TRPM4: variants seen among roughly 807,000 people sequenced by gnomAD.
TRPM4 encodes transient receptor potential cation channel subfamily M member 4.
TRPM4 carries 124 observed loss-of-function variants against 135.6 expected under a neutral mutation model. The observed-to-expected ratio is 0.91, with a 90% CI of 0.79 to 1.06. The LOEUF (loss-of-function observed/expected upper bound fraction) is 1.06, where lower values mean the gene tolerates loss of function less well. TRPM4 is among the 50% of genes least tolerant of loss of function. The probability of loss-of-function intolerance (pLI) is 0.00; values close to 1 mark genes in which losing one functional copy is unlikely to be tolerated. For synonymous variants in TRPM4, 745 were observed against 705.6 expected, an observed-to-expected ratio of 1.06 and a Z score of -0.88; for missense variants, 1,658 against 1,671.4, an observed-to-expected ratio of 0.99 and a Z score of 0.14.
At chr19:49,193,952 C>T (rs1240205029) in intron 16 of TRPM4, among the ~76,000 whole-genome samples, 1 of 151,058 alleles carries the variant, frequency 6.6e-6, no homozygotes. Flanking sequence ...TCCTCCTTCT[C>T]CTCCTCTTCC....
chr19:49,199,731 C>CT (rs963443027), intron 17 of TRPM4, among the ~76,000 whole-genome samples: 9 of 151,298 alleles, frequency 5.9e-5, no homozygotes, highest in South Asian at 4.2e-4. Flanking sequence ...CTTTTCTTTT[C>CT]TTTTTTTTGA....
chr19:49,158,436 AT>A (rs915492785), intron 2 of TRPM4, 177 bp downstream of exon 2: 1 of 654,408 alleles, frequency 1.5e-6, no homozygotes, highest in African/African-American at 1.8e-5. Context: ...GACACCCCTC[AT>A]TCCCCATTCG....
chr19:49,197,652 TTTTGTTTG>T (rs138152671), intron 17 of TRPM4, among the ~76,000 whole-genome samples: 1 of 149,958 alleles, frequency 6.7e-6, no homozygotes, highest in Non-Finnish European at 1.5e-5. Context: ...GTGACTGGTT[TTTTGTTTG>T]TTTGTTTGTT....
At position 49,196,631 on chromosome 19, in the gene TRPM4, T is replaced by A; in HGVS notation, c.2402T>A (p.Leu801Gln). The part of the protein sequence containing the change: ...LLFLLLFSRV[L>Q]LVDFQPAPPG... ...TTCCTGCTGCTTTTCTCGCGGGTGC[T>A]GCTCGTGGATTTCCAGCCGGCGCCG... The change falls in exon 17 of 25, where the codon CTG (leucine) becomes CAG (glutamine). Residue 801 changes from leucine to glutamine, a missense_variant. Physicochemically the swap from Leu to Gln is moderately radical, Grantham distance 113 (BLOSUM62 -2). Coordinates refer to ENST00000252826, the MANE Select transcript of TRPM4 (RefSeq NM_017636.4). 6.4e-7 allele frequency: 1 copy of A among 1,551,532 alleles called. No individual in the cohort carries two copies. Among genetic ancestry groups the A allele is most frequent in the Non-Finnish European group, 8.7e-7 (1 of 1,151,296 alleles).
intron 17 of TRPM4, among the ~76,000 whole-genome samples, chr19:49,197,358 T>C (rs539033574): frequency 0.14 from 14,317 of 99,008 alleles, 981 homozygotes; most frequent in South Asian, 0.19. Context: ...CTTTCTTTCT[T>C]TCTTTCTCTC....
intron 20 of TRPM4, among the ~76,000 whole-genome samples, chr19:49,207,988 A>G (rs938799309): frequency 6.6e-6 from 1 of 152,098 alleles, no homozygotes; most frequent in Admixed American, 6.6e-5. Flanking sequence ...GTCATCTCCA[A>G]TGATTGATAA....
intron 12 of TRPM4, among the ~76,000 whole-genome samples, chr19:49,186,926 C>A (rs1968217881): frequency 6.6e-6 from 1 of 151,184 alleles, no homozygotes. Flanking sequence ...CACTTTTTCT[C>A]TGGGGAAAGC....
At chr19:49,196,218 T>C (rs754001227) in intron 16 of TRPM4, among the ~76,000 whole-genome samples, 3 of 152,138 alleles carry the variant, frequency 2.0e-5, no homozygotes, top group Non-Finnish European at 4.4e-5. Flanking sequence ...GCCAGGCTGG[T>C]CTCCAACTCC....
At chr19:49,199,793 C>T (rs1416646718) in intron 17 of TRPM4, among the ~76,000 whole-genome samples, 2 of 152,186 alleles carry the variant, frequency 1.3e-5, no homozygotes, top group African/African-American at 4.8e-5. Context: ...GCCACCGCGT[C>T]TGTCCATACA....
chr19:49,194,150 C>T (rs1443333082), intron 16 of TRPM4, among the ~76,000 whole-genome samples: 1 of 151,152 alleles, frequency 6.6e-6, no homozygotes, highest in East Asian at 1.9e-4. Flanking sequence ...TCTTCCTCCT[C>T]TTCATCCTCC....
Position 49,168,708 on chromosome 19 carries a change from C to T in TRPM4, c.768C>T (p.Tyr256=). Residue 256 remains tyrosine, a synonymous_variant, in exon 6 of 25, where the codon TAC becomes TAT. Transcript: ENST00000252826. ...GCTTCCGCTTGCGCCTGGAGTCCTA[C>T]ATCTCACAGCAGAAGACGGGCGTGG... The part of the protein sequence containing the change: ...ENRFRLRLES[Y]ISQQKTGVGG... 6.2e-6 allele frequency: 10 copies of T among 1,603,168 alleles called. No homozygotes were observed. Among genetic ancestry groups the T allele is most frequent in the Middle Eastern group, 3.3e-4 (2 of 6,052 alleles).
At chr19:49,206,456 T>A (rs952956397) in intron 20 of TRPM4, among the ~76,000 whole-genome samples, 5 of 151,908 alleles carry the variant, frequency 3.3e-5, no homozygotes, top group African/African-American at 1.2e-4. Flanking sequence ...TTCTTTTTTT[T>A]GAGACAGAGT....
chr19:49,164,809 C>A (rs1967112422), intron 2 of TRPM4, among the ~76,000 whole-genome samples: 2 of 151,854 alleles, frequency 1.3e-5, no homozygotes, highest in South Asian at 4.2e-4. Flanking sequence ...CAGCTCTCTG[C>A]ATCACTGCAG....
intron 2 of TRPM4, among the ~76,000 whole-genome samples, chr19:49,161,306 G>C (rs1282799360): frequency 6.9e-6 from 1 of 145,586 alleles, no homozygotes; most frequent in Non-Finnish European, 1.5e-5. Context: ...AAAAATATCT[G>C]TCTTCTGTCT....
chr19:49,188,583 G>T, intron 12 of TRPM4, 58 bp from the exon 13 acceptor site: 1 of 1,613,402 alleles, frequency 6.2e-7, no homozygotes, highest in Non-Finnish European at 8.5e-7. Flanking sequence ...TTGACTTCAG[G>T]CTTCCTCCCC....
At chr19:49,184,515 C>T (rs1477875388) in intron 12 of TRPM4, among the ~76,000 whole-genome samples, 1 of 122,726 alleles carries the variant, frequency 8.1e-6, no homozygotes, top group Non-Finnish European at 1.6e-5. Context: ...GGCTGGAGTG[C>T]AGTGGCTCAA....
intron 10 of TRPM4, 96 bp downstream of exon 10, chr19:49,181,557 AG>A (rs1967926892): frequency 4.0e-6 from 3 of 741,464 alleles, no homozygotes; most frequent in Non-Finnish European, 6.1e-6. Flanking sequence ...TTTTTGACGG[AG>A]TCTCACTCTG....
Position 49,211,145 on chromosome 19 carries a change from C to T in TRPM4, c.3535-19C>T, listed in dbSNP as rs767649286. ...GCAGGGGTCCCATCTCCCGCTCTGA[C>T]ATTCCTCCCATTCCGCAGGTCCAGC... On this transcript the variant is annotated intron_variant, in intron 23 of 24. Coordinates refer to ENST00000252826, the MANE Select transcript of TRPM4 (RefSeq NM_017636.4). This position sits in a 1 kb window ranked among gnomAD's most constrained non-coding sequence, Gnocchi z 4.8. The T allele has an allele frequency of 1.4e-5, 23 of 1,607,506 alleles. No individual in the cohort carries two copies. In the South Asian group the frequency reaches 2.2e-4, roughly 16 times the overall value.
rs564811634 is a variant in TRPM4 at position 49,162,911 on chromosome 19, G to A, written c.93-3130G>A. Among the ~76,000 whole-genome samples the A allele has an allele frequency of 6.6e-5, 10 of 151,090 alleles. No individual in the cohort carries two copies. The East Asian group carries it at 1.6e-3, about 24-fold the overall frequency. On this transcript the variant is annotated intron_variant, in intron 2 of 24. Transcript: ENST00000252826. ...CGAGTAGCTGGGACTACAGGCACCC[G>A]CCACCATGCCAAGCTGATTTTTGTA...
Sources: allele counts gnomAD v4.1 joint callset (sites outside exome capture counted in the v4.1 genomes callset), GRCh38; gene constraint gnomAD v4.1.1; non-coding constraint Gnocchi (gnomAD v3.1); transcripts MANE v1.5; gene names NCBI Gene and HGNC (gene_info 2026-07-23, HGNC 2026-07-21).